Variants in PTK2 observed in about 807,000 individuals in gnomAD.
The protein encoded by PTK2 is protein tyrosine kinase 2.
A neutral mutation model predicts 150.1 loss-of-function variants in PTK2; 45 were observed. The observed-to-expected ratio is 0.30, with a 90% CI of 0.24 to 0.38. The LOEUF (loss-of-function observed/expected upper bound fraction) is 0.38, where lower values mean the gene tolerates loss of function less well. Among genes scored for constraint, PTK2 ranks in the 10% least tolerant of loss-of-function variants. The pLI, the probability that PTK2 is intolerant of heterozygous loss-of-function variation, is 1.00. For missense variants in PTK2, 919 were observed against 1,307.3 expected (o/e 0.70, Z 4.58); for synonymous variants, 432 against 449.2 (o/e 0.96, Z 0.48).
At chr8:140,998,876 A>G (rs552060878) in intron 1 of PTK2, among the ~76,000 whole-genome samples, 4 of 152,308 alleles carry the variant, frequency 2.6e-5, no homozygotes, top group East Asian at 1.9e-4. Flanking sequence ...CCTAGAAAGA[A>G]CAGTTATCTG....
chr8:140,690,075 T>C (rs1341605720), intron 26 of PTK2, among the ~76,000 whole-genome samples: 6 of 152,106 alleles, frequency 3.9e-5, no homozygotes, highest in Non-Finnish European at 8.8e-5. Flanking sequence ...GCCTCAGCCT[T>C]CTGAGTAGCT....
chr8:140,758,482 T>C (rs753580393), intron 16 of PTK2, among the ~76,000 whole-genome samples: 7 of 152,152 alleles, frequency 4.6e-5, no homozygotes, highest in Non-Finnish European at 1.0e-4. Flanking sequence ...GAAGGAGGCA[T>C]TGTTGCCCTA....
chr8:140,803,165 C>A (rs1026404278), intron 11 of PTK2, among the ~76,000 whole-genome samples: 7 of 151,792 alleles, frequency 4.6e-5, no homozygotes, highest in Non-Finnish European at 1.0e-4. Flanking sequence ...CAGGTGTGCA[C>A]CACCATGCCT....
At chr8:140,722,181 C>A (rs2100043270) in intron 22 of PTK2, among the ~76,000 whole-genome samples, 1 of 152,214 alleles carries the variant, frequency 6.6e-6, no homozygotes, top group African/African-American at 2.4e-5. Flanking sequence ...TATTATTGCT[C>A]AGGCTGGTCT....
Position 140,879,648 on chromosome 8 carries a change from C to T in PTK2, c.196-11G>A. The stretch of plus-strand genomic sequence containing the variant: ...CTTCTGAATGATGCCCTAAAACATA[C>T]CCCCCACAAGAATGACTGTTATAAA... On this transcript the variant is annotated splice_polypyrimidine_tract_variant and intron_variant, in intron 3 of 31. Transcript: ENST00000522684. The T allele has an allele frequency of 7.6e-7, 1 of 1,323,220 alleles. No homozygotes were observed. The highest frequency in any genetic ancestry group is 1.6e-5 in the African/African-American group (1 of 61,300). 82.0% of individuals were successfully genotyped at this position (1,323,220 alleles called of 1,614,324 possible). A position where few individuals can be genotyped will look rare whatever the true frequency, so the allele number is the denominator to read the frequency against.
At chr8:140,750,978 G>A (rs987770873) in intron 17 of PTK2, among the ~76,000 whole-genome samples, 7 of 152,098 alleles carry the variant, frequency 4.6e-5, no homozygotes, top group African/African-American at 1.7e-4. Flanking sequence ...AGCTGGATGT[G>A]GTGGCGCCCA....
At chr8:140,923,972 A>AGAAAGGAAAGGAAAGGAG in intron 2 of PTK2, among the ~76,000 whole-genome samples, 1 of 152,122 alleles carries the variant, frequency 6.6e-6, no homozygotes, top group East Asian at 1.9e-4. Flanking sequence ...CCAAAACATC[A>AGAAAGGAAAGGAAAGGAG]ATCACACAAT....
chr8:140,838,022 A>T (rs2100119860), intron 7 of PTK2, among the ~76,000 whole-genome samples: 1 of 152,080 alleles, frequency 6.6e-6, no homozygotes, highest in South Asian at 2.1e-4. Flanking sequence ...AGGTCACGCC[A>T]CTGCACTCCA....
intron 23 of PTK2, among the ~76,000 whole-genome samples, chr8:140,711,610 A>C (rs1225063194): frequency 6.6e-6 from 1 of 152,178 alleles, no homozygotes; most frequent in Non-Finnish European, 1.5e-5. Flanking sequence ...ATTTTGTTTC[A>C]TTTAAACTTT....
intron 13 of PTK2, 57 bp downstream of exon 13, chr8:140,793,297 A>T: frequency 6.4e-7 from 1 of 1,556,446 alleles, no homozygotes; most frequent in South Asian, 1.2e-5. Flanking sequence ...AAAGCATAGA[A>T]ATTTCCTTAA....
chr8:140,846,021 G>T (rs572014501), intron 7 of PTK2, among the ~76,000 whole-genome samples: 2 of 152,048 alleles, frequency 1.3e-5, no homozygotes, highest in South Asian at 4.2e-4. Flanking sequence ...ATCTTGCAAT[G>T]ATTAAATCTA....
chr8:140,906,947 T>A (rs1352752554), intron 2 of PTK2, among the ~76,000 whole-genome samples: 2 of 152,174 alleles, frequency 1.3e-5, no homozygotes, highest in Non-Finnish European at 2.9e-5. Context: ...ATCAATGAAA[T>A]GAGTTACCTG....
chr8:140,666,197 G>T (rs1378944137), intron 30 of PTK2, among the ~76,000 whole-genome samples: 1 of 152,122 alleles, frequency 6.6e-6, no homozygotes, highest in Non-Finnish European at 1.5e-5. Context: ...AATAAGCCAG[G>T]TGTGGTGGTG....
At chr8:140,948,413 G>C (rs542705990) in intron 1 of PTK2, among the ~76,000 whole-genome samples, 50 of 152,174 alleles carry the variant, frequency 3.3e-4, no homozygotes, top group African/African-American at 1.2e-3. Context: ...TCAATATTTA[G>C]GGCAATACTA....
At position 140,695,732 on chromosome 8, in the gene PTK2, T is replaced by C. The variant is rs1316296586; in HGVS notation, c.2499+5159A>G. Among the ~76,000 whole-genome samples, 3 of 152,120 alleles carry C rather than the reference T, an allele frequency of 2.0e-5. No homozygotes were observed. In the East Asian group the frequency reaches 5.8e-4, roughly 29 times the overall value. ...GTGATCTTTCTGAGATGCCATCTGC[T>C]TCAAATCTTGAAAAGCATTGCCAAG... On this transcript the variant is annotated intron_variant, in intron 26 of 31. Transcript: ENST00000522684.
At chr8:140,985,416 G>A (rs140112090) in intron 1 of PTK2, among the ~76,000 whole-genome samples, 1 of 152,232 alleles carries the variant, frequency 6.6e-6, no homozygotes, top group African/African-American at 2.4e-5. Context: ...TTGAGTCACT[G>A]TGCCTGGCCT....
chr8:140,804,307 G>A (rs891695915), intron 10 of PTK2, among the ~76,000 whole-genome samples: 1 of 151,528 alleles, frequency 6.6e-6, no homozygotes, highest in South Asian at 2.1e-4. Flanking sequence ...AAAAGATAGA[G>A]TTGGGAGCAA....
At chr8:140,869,635 C>T (rs1184404327) in intron 4 of PTK2, among the ~76,000 whole-genome samples, 1 of 151,794 alleles carries the variant, frequency 6.6e-6, no homozygotes, top group Non-Finnish European at 1.5e-5. Flanking sequence ...CAGTTACCTC[C>T]GGAAGCAAAG....
chr8:140,734,705 TG>T (rs756546547), intron 22 of PTK2: 1 of 516,122 alleles, frequency 1.9e-6, no homozygotes, highest in East Asian at 5.5e-5. Context: ...ATTCAAAAGG[TG>T]GCAAAGGAGT....
Sources: allele counts gnomAD v4.1 joint callset (sites outside exome capture counted in the v4.1 genomes callset), GRCh38; gene constraint gnomAD v4.1.1; transcripts MANE v1.5; gene names NCBI Gene and HGNC (gene_info 2026-07-23, HGNC 2026-07-21).